The following WASF3 variants were observed in gnomAD, a reference collection of about 807,000 sequenced individuals.
The protein encoded by WASF3 is WASP family member 3.
A neutral mutation model predicts 46.6 loss-of-function variants in WASF3; 11 were observed. That is an observed-to-expected ratio of 0.24 (90% CI 0.15 to 0.39). The LOEUF is 0.39. Ranked by LOEUF, WASF3 falls within the 10% of genes least tolerant of loss-of-function variation. The pLI is 1.00. For synonymous variants in WASF3, 242 were observed against 259.7 expected (o/e 0.93, Z 0.65); for missense variants, 576 against 669.8 (o/e 0.86, Z 1.55).
chr13:26,609,191 T>TATTGAA (rs1185326579), intron 1 of WASF3, among the ~76,000 whole-genome samples: 1 of 152,220 alleles, frequency 6.6e-6, no homozygotes, highest in Non-Finnish European at 1.5e-5. Context: ...CTTTATTTCA[T>TATTGAA]ATTGATTTTG....
intron 1 of WASF3, among the ~76,000 whole-genome samples, chr13:26,604,760 CTTTTTACTTGGGTTGGAT>C (rs1880744405): frequency 6.6e-6 from 1 of 152,110 alleles, no homozygotes; most frequent in Non-Finnish European, 1.5e-5. Context: ...GCAAGAAAAT[CTTTTTACTTGGGTTGGAT>C]TTGTTTCAAG....
the WASF3 span, among the ~76,000 whole-genome samples, chr13:26,551,524 C>G: frequency 6.6e-6 from 1 of 152,204 alleles, no homozygotes; most frequent in Admixed American, 6.5e-5. Context: ...TGAATAAGAA[C>G]TAGTCTCTGG....
intron 1 of WASF3, among the ~76,000 whole-genome samples, chr13:26,574,973 A>G (rs1202697951): frequency 6.6e-6 from 1 of 151,738 alleles, no homozygotes; most frequent in Non-Finnish European, 1.5e-5. Flanking sequence ...AGTAGCTGGG[A>G]CTACAGGCAC....
chr13:26,649,440 A>C (rs1439731322), intron 3 of WASF3, among the ~76,000 whole-genome samples: 1 of 152,188 alleles, frequency 6.6e-6, no homozygotes, highest in East Asian at 1.9e-4. Context: ...TCTGGCTTTT[A>C]AAGAGCTTGG....
At chr13:26,621,393 G>A (rs1438074858) in intron 2 of WASF3, among the ~76,000 whole-genome samples, 1 of 152,172 alleles carries the variant, frequency 6.6e-6, no homozygotes, top group Non-Finnish European at 1.5e-5. Context: ...AACTGAAAAG[G>A]AAAGTATGCC....
rs1207666420 is a variant in WASF3, at chr13:26,679,572, G to A, written c.717-1482G>A. On this transcript the variant is annotated intron_variant, in intron 7 of 9. Transcript: ENST00000335327. This position sits in a 1 kb window ranked among gnomAD's most constrained non-coding sequence, Gnocchi z 4.8. Reference sequence around the variant, plus strand: ...CTCATCAGAAAGCTGTCCATGTTTGGCTGGAGAACTCTGTTTCCTTTAAAA... The same window carrying A: ...CTCATCAGAAAGCTGTCCATGTTTGACTGGAGAACTCTGTTTCCTTTAAAA... Among the ~76,000 whole-genome samples the A allele has an allele frequency of 6.6e-6, 1 of 152,100 alleles. No homozygotes were observed. Among genetic ancestry groups the A allele is most frequent in the African/African-American group, 2.4e-5 (1 of 41,414 alleles).
chr13:26,667,931 G>A (rs1403838652), intron 5 of WASF3, among the ~76,000 whole-genome samples: 1 of 152,192 alleles, frequency 6.6e-6, no homozygotes, highest in Non-Finnish European at 1.5e-5. Flanking sequence ...ACTTTTAGAT[G>A]TAGCTACCTT....
chr13:26,581,672 A>G (rs1879983983), intron 1 of WASF3, among the ~76,000 whole-genome samples: 1 of 152,180 alleles, frequency 6.6e-6, no homozygotes. Flanking sequence ...AAGGGATCCC[A>G]AATAAGTATG....
In WASF3 at chr13:26,679,228, C is replaced by A. The variant is rs1292407254; in HGVS notation, c.717-1826C>A. Among the ~76,000 whole-genome samples, 1 of 152,048 alleles carries A rather than the reference C, an allele frequency of 6.6e-6. No individual in the cohort carries two copies. The highest frequency in any genetic ancestry group is 1.5e-5 in the Non-Finnish European group (1 of 67,964). ...TTCTGCCTCCCCACTGGGAGTGGGG[C>A]TCATCTCCAACAGCTGCCTGCTCCT... On this transcript the variant is annotated intron_variant, in intron 7 of 9. Coordinates refer to ENST00000335327, the MANE Select transcript of WASF3 (RefSeq NM_006646.6). This position sits in a 1 kb window ranked among gnomAD's most constrained non-coding sequence, Gnocchi z 4.8.
At chr13:26,605,359 T>G (rs1004809395) in intron 1 of WASF3, among the ~76,000 whole-genome samples, 1 of 152,156 alleles carries the variant, frequency 6.6e-6, no homozygotes, top group Non-Finnish European at 1.5e-5. Flanking sequence ...TTGGTGGAGT[T>G]GAAACAACTG....
chr13:26,672,478 G>GT (rs905601587), intron 6 of WASF3, among the ~76,000 whole-genome samples: 3 of 152,202 alleles, frequency 2.0e-5, no homozygotes, highest in Non-Finnish European at 2.9e-5. Context: ...CCTTTAAGGG[G>GT]TAGGGGTAGG....
rs1883415154 is a variant in WASF3 at position 26,686,670 on chromosome 13, A to G, written c.*825A>G. On this transcript the variant is annotated 3_prime_UTR_variant, in exon 10 of 10. Transcript: ENST00000335327. Reference sequence around the variant, plus strand: ...CCAGCCGGCCAGAACAGATGCGAGCAGTCCATGACTCTGGGAGCTACACCG... The same window carrying G: ...CCAGCCGGCCAGAACAGATGCGAGCGGTCCATGACTCTGGGAGCTACACCG... 1 of 152,326 alleles carries G rather than the reference A, an allele frequency of 6.6e-6. No homozygotes were observed. Among genetic ancestry groups the G allele is most frequent in the South Asian group, 2.1e-4 (1 of 4,834 alleles). 9.4% of individuals were successfully genotyped at this position (152,326 alleles called of 1,614,324 possible).
rs191056289 is a variant in WASF3, at chr13:26,574,223, C to A, written c.-109+16404C>A. On this transcript the variant is annotated intron_variant, in intron 1 of 9. Coordinates refer to ENST00000335327, the MANE Select transcript of WASF3 (RefSeq NM_006646.6). Reference sequence around the variant, plus strand: ...CCAGAGTGGAGTGCTGTCTCTCTCTCTATATATACAGAACAACTACTTTGT... The same window carrying A: ...CCAGAGTGGAGTGCTGTCTCTCTCTATATATATACAGAACAACTACTTTGT... Among the ~76,000 whole-genome samples, 241 of 152,266 alleles carry A rather than the reference C, an allele frequency of 1.6e-3. 1 individual carries two copies. Among genetic ancestry groups the A allele is most frequent in the African/African-American group, 4.7e-3 (196 of 41,560 alleles).
At chr13:26,681,833 C>T (rs1283684620) in intron 8 of WASF3, among the ~76,000 whole-genome samples, 4 of 152,076 alleles carry the variant, frequency 2.6e-5, no homozygotes, top group African/African-American at 9.7e-5. Flanking sequence ...ACTTCATGTT[C>T]AGGCGTTTAT....
intron 1 of WASF3, among the ~76,000 whole-genome samples, chr13:26,561,703 A>G (rs1036408189): frequency 9.2e-5 from 14 of 152,344 alleles, no homozygotes; most frequent in African/African-American, 3.4e-4. Context: ...CCGTCTCTTC[A>G]AGCCTGTGGA....
At chr13:26,548,486 C>T in the WASF3 span, among the ~76,000 whole-genome samples, 1 of 152,134 alleles carries the variant, frequency 6.6e-6, no homozygotes, top group Admixed American at 6.5e-5. Context: ...ATCTCCTTGC[C>T]TCCTTTCTCC....
At chr13:26,575,676 C>T (rs1016510838) in intron 1 of WASF3, among the ~76,000 whole-genome samples, 1 of 152,178 alleles carries the variant, frequency 6.6e-6, no homozygotes, top group Admixed American at 6.6e-5. Context: ...AGTTGAAGGA[C>T]AGGTAGGCTT....
At chr13:26,596,020 A>C (rs1246078992) in intron 1 of WASF3, among the ~76,000 whole-genome samples, 1 of 152,080 alleles carries the variant, frequency 6.6e-6, no homozygotes, top group Non-Finnish European at 1.5e-5. Context: ...TGATTATTGG[A>C]AAGTGAATCT....
At chr13:26,604,690 G>A (rs562646790) in intron 1 of WASF3, among the ~76,000 whole-genome samples, 2 of 152,088 alleles carry the variant, frequency 1.3e-5, no homozygotes, top group Admixed American at 6.5e-5. Context: ...TTTGAATCAG[G>A]GATGAATTCT....
Sources: gnomAD v4.1 joint callset for allele counts (sites outside exome capture counted in the v4.1 genomes callset) on GRCh38, gnomAD v4.1.1 for gene constraint, Gnocchi (gnomAD v3.1) non-coding constraint, MANE v1.5 for transcripts, NCBI Gene and HGNC (gene_info 2026-07-23, HGNC 2026-07-21) for gene names.